Variants in CTNNA3 observed in about 807,000 individuals in gnomAD.
The protein encoded by CTNNA3 is catenin alpha-3.
In CTNNA3, 76 loss-of-function variants were observed where a neutral mutation model predicts 95.7. That is an observed-to-expected ratio of 0.79 (90% CI 0.66 to 0.96). The LOEUF is 0.96. Among genes scored for constraint, CTNNA3 ranks in the 40% least tolerant of loss-of-function variants. The pLI is 0.00. For missense variants in CTNNA3, 1,191 were observed against 1,089.8 expected, an observed-to-expected ratio of 1.09 and a Z score of -1.31; for synonymous variants, 431 against 374.4, an observed-to-expected ratio of 1.15 and a Z score of -1.74.
At chr10:67,316,493 G>T (rs1841056513) in intron 5 of CTNNA3, among the ~76,000 whole-genome samples, 1 of 152,100 alleles carries the variant, frequency 6.6e-6, no homozygotes, top group African/African-American at 2.4e-5. Context: ...AAGGCCTTTT[G>T]CAGTTCAAAA....
intron 11 of CTNNA3, among the ~76,000 whole-genome samples, chr10:66,417,527 A>G (rs1372500854): frequency 1.3e-5 from 2 of 152,026 alleles, no homozygotes; most frequent in African/African-American, 4.8e-5. Flanking sequence ...GAACAAACAG[A>G]CCTAACAGAT....
chr10:66,654,439 A>C (rs902438765), intron 9 of CTNNA3, among the ~76,000 whole-genome samples: 1 of 152,122 alleles, frequency 6.6e-6, no homozygotes, highest in Non-Finnish European at 1.5e-5. Flanking sequence ...GGCTATTATC[A>C]AAAGGACCAA....
chr10:67,036,921 G>A (rs73327001), intron 7 of CTNNA3, among the ~76,000 whole-genome samples: 2,424 of 152,176 alleles, frequency 0.016, 60 homozygotes, highest in African/African-American at 0.055. Context: ...GAAGGAAAGG[G>A]TAGTTGTTTT....
At chr10:67,080,949 A>C (rs1382229381) in intron 7 of CTNNA3, among the ~76,000 whole-genome samples, 9 of 150,404 alleles carry the variant, frequency 6.0e-5, no homozygotes, top group Non-Finnish European at 1.3e-4. Context: ...AAAAAAAAAA[A>C]CAAAGAAGAG....
rs536853102 is a variant in CTNNA3, at chr10:66,116,518, C to T, written c.1885-13269G>A. On this transcript the variant is annotated intron_variant, in intron 13 of 17. Coordinates refer to ENST00000433211, the MANE Select transcript of CTNNA3 (RefSeq NM_013266.4). The stretch of plus-strand genomic sequence containing the variant: ...GATGAATTATTTAACAAATGGTATG[C>T]CCATTTAATGAAATATGATTCAGTA... Among the ~76,000 whole-genome samples, 44 of 151,238 alleles carry T rather than the reference C, an allele frequency of 2.9e-4. No individual in the cohort carries two copies. In the South Asian group the frequency reaches 7.7e-3, roughly 26 times the overall value.
chr10:66,515,839 C>T (rs2660041), intron 11 of CTNNA3, among the ~76,000 whole-genome samples: 50,764 of 151,684 alleles, frequency 0.33, 8,830 homozygotes, highest in East Asian at 0.58. Context: ...ATTATCTCTA[C>T]GGGGTCCCTC....
chr10:66,258,526 A>C (rs551886718), intron 13 of CTNNA3, among the ~76,000 whole-genome samples: 1 of 152,306 alleles, frequency 6.6e-6, no homozygotes, highest in African/African-American at 2.4e-5. Flanking sequence ...AGCATGCTCT[A>C]AACACTTTAA....
At chr10:67,097,933 A>T in intron 7 of CTNNA3, 2 of 707,140 alleles carry the variant, frequency 2.8e-6, no homozygotes, top group South Asian at 1.9e-5. Context: ...AAAATCCAAG[A>T]TTGATTCATG....
At chr10:67,752,871 A>G (rs1171776672) in intron 1 of CTNNA3, among the ~76,000 whole-genome samples, 4 of 152,222 alleles carry the variant, frequency 2.6e-5, no homozygotes, top group Non-Finnish European at 2.9e-5. Flanking sequence ...AGGGAGAATC[A>G]ATATCGTGAA....
At chr10:67,188,067 A>T (rs1346178256) in intron 6 of CTNNA3, among the ~76,000 whole-genome samples, 1 of 152,240 alleles carries the variant, frequency 6.6e-6, no homozygotes, top group African/African-American at 2.4e-5. Flanking sequence ...TCAGAACTTA[A>T]CACTATTAAC....
At chr10:66,821,672 T>C (rs898545812) in intron 7 of CTNNA3, among the ~76,000 whole-genome samples, 2 of 152,348 alleles carry the variant, frequency 1.3e-5, no homozygotes, top group Non-Finnish European at 2.9e-5. Context: ...GAGACAGGAA[T>C]GACACCATGT....
At chr10:66,037,147 C>T (rs2079582266) in intron 15 of CTNNA3, among the ~76,000 whole-genome samples, 2 of 152,104 alleles carry the variant, frequency 1.3e-5, no homozygotes, top group African/African-American at 2.4e-5. Flanking sequence ...GCTGGGATTA[C>T]AGGCATGAGC....
intron 1 of CTNNA3, among the ~76,000 whole-genome samples, chr10:67,690,555 G>C (rs1840823901): frequency 1.3e-5 from 2 of 152,036 alleles, no homozygotes; most frequent in South Asian, 4.1e-4. Context: ...CCTTTAGCTA[G>C]ACACAGAGCG....
At chr10:66,139,208 A>G (rs1365491457) in intron 13 of CTNNA3, among the ~76,000 whole-genome samples, 3 of 152,190 alleles carry the variant, frequency 2.0e-5, no homozygotes, top group African/African-American at 7.2e-5. Flanking sequence ...AAATAAAACT[A>G]TATTTTCCCC....
At chr10:66,967,829 C>G (rs147345928) in intron 7 of CTNNA3, among the ~76,000 whole-genome samples, 108 of 152,008 alleles carry the variant, frequency 7.1e-4, no homozygotes, top group Middle Eastern at 3.4e-3. Flanking sequence ...TATATCCCCT[C>G]GAAAGGTTCA....
rs545921656 is a variant in CTNNA3, at chr10:66,920,516, A to C, written c.1048-144992T>G. Among the ~76,000 whole-genome samples the C allele has an allele frequency of 2.0e-5, 3 of 152,340 alleles. No individual in the cohort carries two copies. The South Asian group carries it at 6.2e-4, about 32-fold the overall frequency. On this transcript the variant is annotated intron_variant, in intron 7 of 17. Transcript: ENST00000433211. ...ATGTTGCCTCTGTCTAGTTCATTTG[A>C]ATGGAAATCCATTTGCTATTGTTTG...
chr10:67,430,018 C>T (rs971379793), intron 5 of CTNNA3, among the ~76,000 whole-genome samples: 42 of 151,970 alleles, frequency 2.8e-4, no homozygotes, highest in African/African-American at 8.9e-4. Context: ...GATAGTTCTC[C>T]ATAAAATTTA....
At chr10:66,296,513 G>A (rs1477135082) in intron 12 of CTNNA3, among the ~76,000 whole-genome samples, 2 of 151,562 alleles carry the variant, frequency 1.3e-5, no homozygotes, top group Non-Finnish European at 2.9e-5. Flanking sequence ...AATAGCCAAG[G>A]TTAGAATAAC....
intron 7 of CTNNA3, among the ~76,000 whole-genome samples, chr10:66,969,060 T>C (rs895944370): frequency 6.6e-6 from 1 of 151,926 alleles, no homozygotes; most frequent in African/African-American, 2.4e-5. Context: ...TAAATATATA[T>C]ATTTACTTTA....
Sources: allele counts gnomAD v4.1 joint callset (sites outside exome capture counted in the v4.1 genomes callset), GRCh38; gene constraint gnomAD v4.1.1; transcripts MANE v1.5; gene names NCBI Gene and HGNC (gene_info 2026-07-23, HGNC 2026-07-21).